The following CPT1A variants were observed in gnomAD, a reference collection of about 807,000 sequenced individuals.
The protein encoded by CPT1A is carnitine palmitoyltransferase 1A.
In CPT1A, 64 loss-of-function variants were observed where a neutral mutation model predicts 100.8. The observed-to-expected ratio is 0.63, with a 90% CI of 0.52 to 0.78. The LOEUF (loss-of-function observed/expected upper bound fraction) is 0.78. CPT1A is among the 30% of genes least tolerant of loss of function. The pLI, the probability that CPT1A is intolerant of heterozygous loss-of-function variation, is 0.00. For synonymous variants in CPT1A, 363 were observed against 396.0 expected (o/e 0.92, Z 0.99); for missense variants, 802 against 1,034.1 (o/e 0.78, Z 3.08).
intron 17 of CPT1A, 129 bp from the exon 18 acceptor site, chr11:68,759,790 G>T: frequency 1.3e-6 from 1 of 741,902 alleles, no homozygotes; most frequent in Non-Finnish European, 2.4e-6. Context: ...CATTTTGGGA[G>T]GCTGAGGCAG....
At chr11:68,773,823 T>A in intron 13 of CPT1A, 1 of 313,626 alleles carries the variant, frequency 3.2e-6, no homozygotes, top group Non-Finnish European at 6.2e-6. Flanking sequence ...AGCTTCCCGA[T>A]AAGATCTCAA....
chr11:68,765,136 C>A (rs1195081467), intron 14 of CPT1A, among the ~76,000 whole-genome samples: 1 of 151,990 alleles, frequency 6.6e-6, no homozygotes, highest in African/African-American at 2.4e-5. Flanking sequence ...TAGGCGCTCA[C>A]AATGAAGAAG....
rs115284510 is a variant in CPT1A at position 68,773,689 on chromosome 11, A to G, written c.1576-260T>C. The G allele has an allele frequency of 1.9e-3, 863 of 465,910 alleles. 11 individuals are homozygous for G. Among genetic ancestry groups the G allele is most frequent in the African/African-American group, 0.015 (783 of 50,592 alleles). 28.9% of individuals were successfully genotyped at this position (465,910 alleles called of 1,614,324 possible). A position where few individuals can be genotyped will look rare whatever the true frequency, so the allele number is the denominator to read the frequency against. On this transcript the variant is annotated intron_variant, in intron 13 of 18. Coordinates refer to ENST00000265641, the MANE Select transcript of CPT1A (RefSeq NM_001876.4). Reference sequence around the variant, plus strand: ...GGGCTTCCTCCGACACACACTGGGAATATCACGCGACCATCAGTGATGGTC... The same window carrying G: ...GGGCTTCCTCCGACACACACTGGGAGTATCACGCGACCATCAGTGATGGTC...
chr11:68,833,116 T>A (rs545938846), intron 1 of CPT1A, among the ~76,000 whole-genome samples: 5 of 152,154 alleles, frequency 3.3e-5, no homozygotes, highest in African/African-American at 1.2e-4. Context: ...CTTCACAACA[T>A]GCATGATGTC....
intron 9 of CPT1A, among the ~76,000 whole-genome samples, chr11:68,793,000 A>G (rs1855659497): frequency 6.6e-6 from 1 of 152,174 alleles, no homozygotes; most frequent in Admixed American, 6.6e-5. Context: ...GTGAGCCGTG[A>G]TCATGTCACT....
chr11:68,772,245 C>G (rs1350087359), intron 14 of CPT1A, among the ~76,000 whole-genome samples: 1 of 152,054 alleles, frequency 6.6e-6, no homozygotes, highest in East Asian at 1.9e-4. Context: ...CCCAGCTACT[C>G]GGGAGGCTGA....
intron 9 of CPT1A, among the ~76,000 whole-genome samples, chr11:68,792,031 A>C (rs564340433): frequency 1.1e-4 from 16 of 152,192 alleles, no homozygotes; most frequent in South Asian, 8.3e-4. Flanking sequence ...ACCGGGCTGC[A>C]ACAAGACACT....
chr11:68,839,565 G>A (rs1425418286), intron 1 of CPT1A: 1 of 985,392 alleles, frequency 1.0e-6, no homozygotes, highest in Non-Finnish European at 1.2e-6. Context: ...TCCGTGGGAA[G>A]GTCGAGCCCT....
rs777101526 is a variant in CPT1A, at chr11:68,759,645, T to C, written c.2159A>G (p.Tyr720Cys). ...GGFGPVADDG[Y>C]GVSYILVGEN... is the part of the protein sequence containing the mutation. ...TCCCACAAGGATGTACGACACACCA[T>C]AGCCGTCATCAGCAACCTGGAGGAC... Residue 720 changes from tyrosine (Y) to cysteine (C), a missense_variant, in exon 18 of 19, where the codon TAT (tyrosine) becomes TGT (cysteine). This residue lies in a region of CPT1A where 627 missense variants were observed against 799.3 expected (regional missense o/e 0.78). Coordinates refer to ENST00000265641, the MANE Select transcript of CPT1A (RefSeq NM_001876.4). The C allele has an allele frequency of 8.7e-6, 14 of 1,613,340 alleles. No homozygotes were observed. The highest frequency in any genetic ancestry group is 1.2e-5 in the Non-Finnish European group (14 of 1,179,434).
intron 14 of CPT1A, among the ~76,000 whole-genome samples, chr11:68,766,163 T>C (rs1462893997): frequency 1.3e-5 from 2 of 151,786 alleles, no homozygotes; most frequent in African/African-American, 2.4e-5. Flanking sequence ...TAAAATGAAA[T>C]ACACAAGGTT....
chr11:68,816,629 G>A (rs1856397861), intron 1 of CPT1A, among the ~76,000 whole-genome samples: 1 of 152,172 alleles, frequency 6.6e-6, no homozygotes, highest in Admixed American at 6.5e-5. Context: ...CCGGGGTGGT[G>A]GCTCCTGCCC....
Position 68,781,787 on chromosome 11 carries a change from C to T in CPT1A, c.1336G>A (p.Gly446Ser), listed in dbSNP as rs749294263. The part of the protein sequence containing the change: ...MDSYAKSLLH[G>S]RCYDRWFDKS... ...GGACGGTACCTGTCGTAACATCGGC[C>T]GTGTAGTAGAGATTTGGCGTAGCTG... Residue 446 changes from glycine (G) to serine (S), a missense_variant, in exon 11 of 19, where the codon GGC becomes AGC. By Grantham distance (56) the Gly-to-Ser change is moderately conservative. Coordinates refer to ENST00000265641, the MANE Select transcript of CPT1A (RefSeq NM_001876.4). The T allele has an allele frequency of 6.8e-6, 11 of 1,614,130 alleles. No individual in the cohort carries two copies. The highest frequency in any genetic ancestry group is 2.2e-5 in the East Asian group (1 of 44,884).
intron 14 of CPT1A, among the ~76,000 whole-genome samples, chr11:68,763,667 G>T (rs1257346588): frequency 6.6e-6 from 1 of 152,100 alleles, no homozygotes; most frequent in African/African-American, 2.4e-5. Flanking sequence ...GAAGAAAGCG[G>T]GCCTGCTGAG....
In CPT1A at chr11:68,784,986, C is replaced by T; in HGVS notation, c.992G>A (p.Ser331Asn). Residue 331 changes from serine to asparagine, a missense_variant, in exon 10 of 19, where the codon AGC becomes AAC. By Grantham distance (46) the Ser-to-Asn change is conservative. Coordinates refer to ENST00000265641, the MANE Select transcript of CPT1A (RefSeq NM_001876.4). ...TCGATGGTACACGACGATGTGCTTG[C>T]TGTCTCTCATGTGCTGGATGGTGTC... The part of the protein sequence containing the change: ...ETDTIQHMRD[S>N]KHIVVYHRGR... 1.2e-6 allele frequency: 2 copies of T among 1,613,962 alleles called. No homozygotes were observed. The highest frequency in any genetic ancestry group is 1.7e-6 in the Non-Finnish European group (2 of 1,180,038).
intron 2 of CPT1A, among the ~76,000 whole-genome samples, chr11:68,814,467 C>G (rs1425384048): frequency 1.3e-5 from 2 of 151,386 alleles, no homozygotes; most frequent in African/African-American, 4.9e-5. Flanking sequence ...CCACCACGCC[C>G]GGCTAATTTT....
At chr11:68,787,942 CAA>C (rs58079850) in intron 9 of CPT1A, among the ~76,000 whole-genome samples, 21 of 45,668 alleles carry the variant, frequency 4.6e-4, no homozygotes, top group Admixed American at 9.6e-4. Context: ...GACTCAGTCT[CAA>C]AAAAAAAAAA....
intron 6 of CPT1A, among the ~76,000 whole-genome samples, chr11:68,797,346 A>G (rs555333236): frequency 7.2e-5 from 11 of 152,344 alleles, no homozygotes; most frequent in Admixed American, 6.5e-4. Flanking sequence ...AAAGTAAATC[A>G]TAAATGTCTG....
chr11:68,796,693 G>A (rs1855762356), intron 7 of CPT1A, among the ~76,000 whole-genome samples, 163 bp downstream of exon 7: 1 of 152,172 alleles, frequency 6.6e-6, no homozygotes. Flanking sequence ...ACACTGAAGG[G>A]TACTCATAGG....
chr11:68,783,149 C>A (rs958704252), intron 10 of CPT1A, among the ~76,000 whole-genome samples: 1 of 152,158 alleles, frequency 6.6e-6, no homozygotes. Context: ...CCATCCCGCT[C>A]CTGCTCCCAG....
Sources: allele counts gnomAD v4.1 joint callset (sites outside exome capture counted in the v4.1 genomes callset), GRCh38; gene constraint gnomAD v4.1.1; regional missense constraint gnomAD v4.1.1; transcripts MANE v1.5; gene names NCBI Gene and HGNC (gene_info 2026-07-23, HGNC 2026-07-21).